Variants in TMPRSS15 observed in about 807,000 individuals in gnomAD.
TMPRSS15 encodes the protein transmembrane serine protease 15, also known as enteropeptidase.
In TMPRSS15, 128 loss-of-function variants were observed where a neutral mutation model predicts 125.3. The ratio of observed to expected loss-of-function variants is 1.02; its 90% CI spans 0.89 to 1.18. The LOEUF is 1.18. Among genes scored for constraint, TMPRSS15 ranks in the 50% most tolerant of loss-of-function variants. The probability of loss-of-function intolerance (pLI) is 0.00; values close to 1 mark genes in which losing one functional copy is unlikely to be tolerated. For missense variants in TMPRSS15, 1,283 were observed against 1,212.7 expected, an observed-to-expected ratio of 1.06 and a Z score of -0.86; for synonymous variants, 446 against 423.2, an observed-to-expected ratio of 1.05 and a Z score of -0.66.
At position 18,371,745 on chromosome 21, in the gene TMPRSS15, T is replaced by C. The variant is rs2075793952; in HGVS notation, c.664+448A>G. 4.6e-5 allele frequency among the ~76,000 whole-genome samples: 7 copies of C among 152,044 alleles called. 1 individual carries two copies. Among genetic ancestry groups the C allele is most frequent in the Admixed American group, 4.6e-4 (7 of 15,258 alleles). Reference sequence around the variant, plus strand: ...TGGTGCTCAGTGAGTTAGGTACTGTTAAAATGTTGAAAGAAAAAGACTGAT... The same window carrying C: ...TGGTGCTCAGTGAGTTAGGTACTGTCAAAATGTTGAAAGAAAAAGACTGAT... On this transcript the variant is annotated intron_variant, in intron 6 of 24. Coordinates refer to ENST00000284885, the MANE Select transcript of TMPRSS15 (RefSeq NM_002772.3).
At chr21:18,475,159 ATTT>A (rs201015528) in intron 1 of TMPRSS15, among the ~76,000 whole-genome samples, 2,188 of 152,286 alleles carry the variant, frequency 0.014, 57 homozygotes, top group African/African-American at 0.05. Flanking sequence ...TAGAGATTCG[ATTT>A]TTTATTTGAC....
At chr21:18,347,732 T>A (rs1282750742) in intron 10 of TMPRSS15, among the ~76,000 whole-genome samples, 1 of 152,206 alleles carries the variant, frequency 6.6e-6, no homozygotes, top group Non-Finnish European at 1.5e-5. Context: ...GATTTTTTCA[T>A]AACCACATGG....
intron 21 of TMPRSS15, among the ~76,000 whole-genome samples, chr21:18,285,022 A>G (rs1391817952): frequency 3.3e-5 from 5 of 151,824 alleles, no homozygotes; most frequent in African/African-American, 1.2e-4. Flanking sequence ...AGAGAAAAAA[A>G]AGAAGTTGGC....
intron 1 of TMPRSS15, among the ~76,000 whole-genome samples, chr21:18,420,461 C>T (rs974169595): frequency 4.6e-5 from 7 of 152,004 alleles, no homozygotes; most frequent in Non-Finnish European, 1.5e-5. Context: ...AATAAAAATT[C>T]TCAAGTTGTA....
intron 16 of TMPRSS15, among the ~76,000 whole-genome samples, chr21:18,324,468 T>C (rs1179728974): frequency 6.6e-6 from 1 of 152,202 alleles, no homozygotes; most frequent in Non-Finnish European, 1.5e-5. Flanking sequence ...GATTTTATTA[T>C]GGCAGAGTTT....
intron 10 of TMPRSS15, among the ~76,000 whole-genome samples, chr21:18,348,908 A>G (rs2146999286): frequency 6.6e-6 from 1 of 152,308 alleles, no homozygotes; most frequent in African/African-American, 2.4e-5. Flanking sequence ...AAACATAGCA[A>G]TCAATTTAAT....
intron 17 of TMPRSS15, among the ~76,000 whole-genome samples, chr21:18,313,383 T>C (rs1052009355): frequency 5.3e-5 from 8 of 151,528 alleles, no homozygotes; most frequent in African/African-American, 1.9e-4. Context: ...AATATGTATA[T>C]ACACATTCTC....
chr21:18,471,235 C>T (rs1353022144), intron 1 of TMPRSS15, among the ~76,000 whole-genome samples: 1 of 151,994 alleles, frequency 6.6e-6, no homozygotes, highest in Non-Finnish European at 1.5e-5. Context: ...AAAGAATGTC[C>T]TATTTGCAGA....
At chr21:18,454,751 G>A (rs2123262743) in intron 1 of TMPRSS15, among the ~76,000 whole-genome samples, 1 of 152,206 alleles carries the variant, frequency 6.6e-6, no homozygotes, top group East Asian at 1.9e-4. Flanking sequence ...CTCACAGATT[G>A]GATAATGCCT....
intron 1 of TMPRSS15, among the ~76,000 whole-genome samples, chr21:18,459,879 C>A (rs1418860620): frequency 6.6e-6 from 1 of 152,074 alleles, no homozygotes; most frequent in Non-Finnish European, 1.5e-5. Context: ...TTGTAATTTT[C>A]AGTGTAAAGG....
chr21:18,443,080 A>G (rs144312780), intron 1 of TMPRSS15, among the ~76,000 whole-genome samples: 2,288 of 152,312 alleles, frequency 0.015, 25 homozygotes, highest in Non-Finnish European at 0.021. Flanking sequence ...TTGCATGTGT[A>G]TATTTACAAA....
chr21:18,339,990 G>A (rs1421420053), intron 13 of TMPRSS15, among the ~76,000 whole-genome samples: 1 of 152,186 alleles, frequency 6.6e-6, no homozygotes, highest in Non-Finnish European at 1.5e-5. Flanking sequence ...CTTCTCAGGA[G>A]TAACACATGA....
In TMPRSS15 at chr21:18,329,226, T is replaced by C; in HGVS notation, c.1723A>G (p.Asn575Asp). 6.2e-7 allele frequency: 1 copy of C among 1,612,814 alleles called. No individual in the cohort carries two copies. The highest frequency in any genetic ancestry group is 8.5e-7 in the Non-Finnish European group (1 of 1,179,148). The change falls in exon 15 of 25, where the codon AAT becomes GAT. Residue 575 changes from asparagine (N) to aspartate (D), a missense_variant. By Grantham distance (23) the Asn-to-Asp change is conservative. Transcript: ENST00000284885. ...CTTATTTCAACTACATCGTTAATAT[T>C]TTCTAAGTCAAATTCTTGAAAATGA... ...QLHFQEFDLENINDVVEIRDG... is the reference protein window; with the variant it reads ...QLHFQEFDLEDINDVVEIRDG...
At chr21:18,400,005 A>G (rs887073492) in intron 1 of TMPRSS15, among the ~76,000 whole-genome samples, 4 of 152,140 alleles carry the variant, frequency 2.6e-5, no homozygotes, top group Admixed American at 6.5e-5. Flanking sequence ...TAAAATACTT[A>G]GGAATATCTC....
In TMPRSS15 at chr21:18,343,810, T is replaced by G. The variant is rs1260155642; in HGVS notation, c.1277+145A>C. 2.6e-6 allele frequency: 3 copies of G among 1,136,828 alleles called. No homozygotes were observed. In the African/African-American group the frequency reaches 4.6e-5, roughly 18 times the overall value. The allele number at this position is 1,136,828 out of a possible 1,614,324, so 70.4% of individuals were successfully genotyped here. On this transcript the variant is annotated intron_variant, in intron 11 of 24. Transcript: ENST00000284885. Reference sequence around the variant, plus strand: ...GGATGGGGAGAGGTGTCTATCAATGTTTTATTGCTTATCAGTTGGGAAAAG... The same window carrying G: ...GGATGGGGAGAGGTGTCTATCAATGGTTTATTGCTTATCAGTTGGGAAAAG...
At chr21:18,470,295 C>T (rs1202850074) in intron 1 of TMPRSS15, among the ~76,000 whole-genome samples, 3 of 150,902 alleles carry the variant, frequency 2.0e-5, no homozygotes, top group African/African-American at 4.9e-5. Context: ...CTTGACCCTC[C>T]TATATTCCTT....
chr21:18,460,017 T>C (rs2123272972), intron 1 of TMPRSS15, among the ~76,000 whole-genome samples: 1 of 152,324 alleles, frequency 6.6e-6, no homozygotes, highest in Middle Eastern at 3.4e-3. Context: ...TTTGATATTT[T>C]ATTCTGTGAT....
intron 5 of TMPRSS15, among the ~76,000 whole-genome samples, chr21:18,377,015 T>C (rs2075851314): frequency 6.6e-6 from 1 of 152,150 alleles, no homozygotes; most frequent in Non-Finnish European, 1.5e-5. Context: ...TCATAGTAAA[T>C]TACTGCTTGG....
chr21:18,415,185 G>A (rs1242267655), intron 1 of TMPRSS15, among the ~76,000 whole-genome samples: 3 of 152,066 alleles, frequency 2.0e-5, no homozygotes, highest in African/African-American at 7.2e-5. Context: ...CAGGGTGCAT[G>A]CCCATTTTTA....
Sources: gnomAD v4.1 joint callset for allele counts (sites outside exome capture counted in the v4.1 genomes callset) on GRCh38, gnomAD v4.1.1 for gene constraint, MANE v1.5 for transcripts, NCBI Gene and HGNC (gene_info 2026-07-23, HGNC 2026-07-21) for gene names.